ARHGAP20: variants seen among roughly 807,000 people sequenced by gnomAD.
The protein encoded by ARHGAP20 is Rho GTPase activating protein 20, also known as rho GTPase-activating protein 20.
ARHGAP20 carries 34 observed loss-of-function variants against 73.7 expected under a neutral mutation model. The observed-to-expected ratio is 0.46, with a 90% confidence interval of 0.35 to 0.61. ARHGAP20 has a LOEUF of 0.61. Ranked by LOEUF, ARHGAP20 falls within the 20% of genes least tolerant of loss-of-function variation. ARHGAP20 has a pLI of 0.00. For missense variants in ARHGAP20, 1,314 were observed against 1,420.9 expected, an observed-to-expected ratio of 0.92 and a Z score of 1.21; for synonymous variants, 523 against 518.2, an observed-to-expected ratio of 1.01 and a Z score of -0.13.
intron 2 of ARHGAP20, among the ~76,000 whole-genome samples, chr11:110,637,157 T>C (rs921480196): frequency 3.7e-4 from 57 of 152,110 alleles, no homozygotes; most frequent in African/African-American, 1.2e-3. Context: ...TATTTACAAC[T>C]AAAGTTCATT....
chr11:110,585,579 A>C lies in ARHGAP20; in HGVS notation c.1415+637T>G, dbSNP rs185957154. ...AGAACTAGAAATACTGCTTTTTGTT[A>C]AGGGACATTTCTTTCTTACTCTCTT... On this transcript the variant is annotated intron_variant, in intron 12 of 14. Coordinates refer to ENST00000683387, the MANE Select transcript of ARHGAP20 (RefSeq NM_001384657.1). Among the ~76,000 whole-genome samples the C allele has an allele frequency of 2.5e-3, 379 of 152,294 alleles. 2 individuals are homozygous for C. Among genetic ancestry groups the C allele is most frequent in the Admixed American group, 3.7e-3 (56 of 15,288 alleles).
At chr11:110,666,069 C>T (rs1949718614) in intron 2 of ARHGAP20, among the ~76,000 whole-genome samples, 1 of 151,904 alleles carries the variant, frequency 6.6e-6, no homozygotes, top group African/African-American at 2.4e-5. Flanking sequence ...TGATTCATTC[C>T]ACATACTACC....
At chr11:110,673,020 T>C (rs955130073) in intron 2 of ARHGAP20, among the ~76,000 whole-genome samples, 2 of 152,148 alleles carry the variant, frequency 1.3e-5, no homozygotes, top group Non-Finnish European at 2.9e-5. Context: ...AATGGAATAC[T>C]AGTTGGCAAT....
chr11:110,587,472 T>C lies in ARHGAP20; in HGVS notation c.1306-1147A>G, dbSNP rs562076716. On this transcript the variant is annotated intron_variant, in intron 11 of 14. Transcript: ENST00000683387. ...CAACACACAACTTGCTACTTAGATA[T>C]CATGTTTATAACAGTAATATAGAAG... Among the ~76,000 whole-genome samples, 14 of 152,328 alleles carry C rather than the reference T, an allele frequency of 9.2e-5. 1 individual carries two copies. The highest frequency in any genetic ancestry group is 3.1e-4 in the African/African-American group (13 of 41,574).
intron 2 of ARHGAP20, among the ~76,000 whole-genome samples, chr11:110,675,284 C>G: frequency 6.6e-6 from 1 of 152,196 alleles, no homozygotes; most frequent in Non-Finnish European, 1.5e-5. Flanking sequence ...CTGACAGAGA[C>G]CACTTCTAAT....
At chr11:110,624,068 G>C in intron 4 of ARHGAP20, 94 bp downstream of exon 4, 3 of 1,435,100 alleles carry the variant, frequency 2.1e-6, no homozygotes, top group Non-Finnish European at 2.8e-6. Flanking sequence ...TTAAAAATTA[G>C]AGGAACAACA....
rs76109422 is a variant in ARHGAP20, at chr11:110,687,318, G to T, written c.188+3229C>A. On this transcript the variant is annotated intron_variant, in intron 2 of 14. Coordinates refer to ENST00000683387, the MANE Select transcript of ARHGAP20 (RefSeq NM_001384657.1). ...CCACCCTGGCATACCAAAGGGTTTGGATTACAAGGATGTGCCACTATGTCC... is the reference window on the plus strand; with the variant it reads ...CCACCCTGGCATACCAAAGGGTTTGTATTACAAGGATGTGCCACTATGTCC... Among the ~76,000 whole-genome samples, 507 of 151,982 alleles carry T rather than the reference G, an allele frequency of 3.3e-3. 6 individuals carry two copies. Among genetic ancestry groups the T allele is most frequent in the African/African-American group, 0.012 (490 of 41,438 alleles).
At chr11:110,676,778 T>G (rs1485475913) in intron 2 of ARHGAP20, among the ~76,000 whole-genome samples, 1 of 152,086 alleles carries the variant, frequency 6.6e-6, no homozygotes, top group Non-Finnish European at 1.5e-5. Flanking sequence ...AGGTATTCTA[T>G]AAAACCAAAA....
At chr11:110,581,884 C>G (rs1947479123) in intron 14 of ARHGAP20, among the ~76,000 whole-genome samples, 1 of 141,198 alleles carries the variant, frequency 7.1e-6, no homozygotes, top group Admixed American at 7.6e-5. Flanking sequence ...TCATAGCACA[C>G]TAGAATTCTG....
chr11:110,681,561 T>C (rs749162126), intron 2 of ARHGAP20, among the ~76,000 whole-genome samples: 9 of 152,184 alleles, frequency 5.9e-5, no homozygotes, highest in Non-Finnish European at 1.0e-4. Flanking sequence ...AGTAAACCAC[T>C]GCAGAGTATA....
chr11:110,595,157 G>A (rs952422889), intron 9 of ARHGAP20, among the ~76,000 whole-genome samples: 1 of 151,668 alleles, frequency 6.6e-6, no homozygotes, highest in Non-Finnish European at 1.5e-5. Context: ...AATAATAAGA[G>A]CTATCTATGA....
In ARHGAP20 at chr11:110,589,403, A is replaced by C. The variant is rs540767265; in HGVS notation, c.1305+1245T>G. 3.8e-5 allele frequency: 37 copies of C among 985,080 alleles called. No individual in the cohort carries two copies. The African/African-American group carries it at 6.4e-4, about 17-fold the overall frequency. 61.0% of individuals were successfully genotyped at this position (985,080 alleles called of 1,614,324 possible). ...CATCTGATTGTATATAAAGTCATGA[A>C]GTAACATTCTGTAAGCACCTGGGCA... On this transcript the variant is annotated intron_variant, in intron 11 of 14. Transcript: ENST00000683387.
intron 2 of ARHGAP20, among the ~76,000 whole-genome samples, chr11:110,648,193 A>G (rs1249547446): frequency 1.2e-5 from 1 of 85,670 alleles, no homozygotes; most frequent in Non-Finnish European, 2.1e-5. Flanking sequence ...ATATATGTAA[A>G]TATATATATA....
chr11:110,712,091 C>T (rs7112658), intron 1 of ARHGAP20, 36 bp downstream of exon 1: 195 of 1,266,782 alleles, frequency 1.5e-4, no homozygotes, highest in Non-Finnish European at 1.3e-4. Flanking sequence ...GGGGCTGCGG[C>T]GGCGGAGGGC....
chr11:110,595,964 G>C (rs1364163094), intron 9 of ARHGAP20, among the ~76,000 whole-genome samples: 2 of 152,052 alleles, frequency 1.3e-5, no homozygotes, highest in Non-Finnish European at 2.9e-5. Context: ...CAATGGAACA[G>C]AACAGAGCAC....
At position 110,580,799 on chromosome 11, in the gene ARHGAP20, G is replaced by A; in HGVS notation, c.2147C>T (p.Ser716Phe). 6.2e-7 allele frequency: 1 copy of A among 1,614,054 alleles called. No homozygotes were observed. Among genetic ancestry groups the A allele is most frequent in the Non-Finnish European group, 8.5e-7 (1 of 1,179,990 alleles). ...PSIDYLDSKL[S>F]YLREFYQKKL... ...TTTCTGATAAAACTCCCTGAGGTAGGAAAGCTTTGAATCCAGATAGTCGAT... is the reference window on the plus strand; with the variant it reads ...TTTCTGATAAAACTCCCTGAGGTAGAAAAGCTTTGAATCCAGATAGTCGAT... Residue 716 changes from serine to phenylalanine, a missense_variant, in exon 15 of 15, where the codon TCC becomes TTC. Ser to Phe is a radical substitution (Grantham distance 155). Coordinates refer to ENST00000683387, the MANE Select transcript of ARHGAP20 (RefSeq NM_001384657.1).
chr11:110,694,740 C>A (rs1258452991), intron 1 of ARHGAP20, among the ~76,000 whole-genome samples: 1 of 151,574 alleles, frequency 6.6e-6, no homozygotes, highest in Non-Finnish European at 1.5e-5. Context: ...TTTCTCCCTT[C>A]CTTCAACAAT....
chr11:110,707,774 A>C (rs1412487398), intron 1 of ARHGAP20, among the ~76,000 whole-genome samples: 11 of 152,112 alleles, frequency 7.2e-5, no homozygotes. Context: ...ACCCTAATGC[A>C]GAATGATCTA....
intron 9 of ARHGAP20, among the ~76,000 whole-genome samples, chr11:110,597,489 A>AT (rs1947998971): frequency 6.6e-6 from 1 of 151,818 alleles, no homozygotes; most frequent in Non-Finnish European, 1.5e-5. Flanking sequence ...ATTTTTATTT[A>AT]TTATTATTAT....
Sources: gnomAD v4.1 joint callset for allele counts (sites outside exome capture counted in the v4.1 genomes callset) on GRCh38, gnomAD v4.1.1 for gene constraint, MANE v1.5 for transcripts, NCBI Gene and HGNC (gene_info 2026-07-23, HGNC 2026-07-21) for gene names.